Variants in PLXNA4 observed in about 807,000 individuals in gnomAD.
PLXNA4 encodes plexin-A4.
Under a neutral mutation model 191.8 loss-of-function variants are expected in PLXNA4, and 44 were observed. The observed-to-expected ratio is 0.23, with a 90% CI of 0.18 to 0.29. PLXNA4 has a LOEUF of 0.29. Among genes scored for constraint, PLXNA4 ranks in the 10% least tolerant of loss-of-function variants. PLXNA4 has a pLI of 1.00. For synonymous variants in PLXNA4, 1,082 were observed against 1,009.5 expected, an observed-to-expected ratio of 1.07 and a Z score of -1.36; for missense variants, 1,800 against 2,488.8, an observed-to-expected ratio of 0.72 and a Z score of 5.89.
At chr7:132,558,036 G>A (rs145124168) in intron 1 of PLXNA4, among the ~76,000 whole-genome samples, 33 of 152,268 alleles carry the variant, frequency 2.2e-4, no homozygotes, top group African/African-American at 7.9e-4. Context: ...GCAATTAAGT[G>A]GGAATATGAG....
chr7:132,259,124 G>C (rs1486876561), intron 4 of PLXNA4, among the ~76,000 whole-genome samples: 1 of 152,092 alleles, frequency 6.6e-6, no homozygotes, highest in East Asian at 1.9e-4. Context: ...CTAGCAGACA[G>C]TATTGAGCCA....
intron 1 of PLXNA4, among the ~76,000 whole-genome samples, chr7:132,552,118 G>C (rs1252065927): frequency 1.3e-5 from 2 of 152,156 alleles, no homozygotes; most frequent in African/African-American, 4.8e-5. Flanking sequence ...CTAAGTGCTT[G>C]CTCCGCCTCC....
chr7:132,409,133 G>A (rs879239828), intron 3 of PLXNA4, among the ~76,000 whole-genome samples: 7 of 152,246 alleles, frequency 4.6e-5, no homozygotes, highest in Admixed American at 2.0e-4. Context: ...TGATGTCCTT[G>A]GGATTGAACA....
At chr7:132,406,496 C>G in intron 3 of PLXNA4, among the ~76,000 whole-genome samples, 1 of 152,168 alleles carries the variant, frequency 6.6e-6, no homozygotes, top group Non-Finnish European at 1.5e-5. Context: ...CCAGGAGCCT[C>G]CTGACCACAT....
chr7:132,153,531 C>T (rs1315971049), intron 25 of PLXNA4, among the ~76,000 whole-genome samples: 4 of 152,114 alleles, frequency 2.6e-5, no homozygotes, highest in Admixed American at 2.6e-4. Flanking sequence ...ATGGCCAGGT[C>T]ATGCCTGTAG....
At chr7:132,543,118 A>G (rs1800152708) in intron 1 of PLXNA4, among the ~76,000 whole-genome samples, 1 of 152,234 alleles carries the variant, frequency 6.6e-6, no homozygotes, top group Admixed American at 6.5e-5. Flanking sequence ...AGGATAAGGT[A>G]TCTTCCTCCA....
chr7:132,328,799 T>C (rs895019597), intron 3 of PLXNA4, among the ~76,000 whole-genome samples: 1 of 152,166 alleles, frequency 6.6e-6, no homozygotes, highest in Admixed American at 6.5e-5. Context: ...TCACTCCCTC[T>C]GCACCGCAGG....
intron 3 of PLXNA4, among the ~76,000 whole-genome samples, chr7:132,428,072 C>T (rs1387649895): frequency 2.6e-5 from 4 of 152,304 alleles, no homozygotes; most frequent in African/African-American, 9.6e-5. Flanking sequence ...CCAAGGGACA[C>T]TGCAGGAAAG....
chr7:132,499,443 TG>T (rs1798159291), intron 2 of PLXNA4, among the ~76,000 whole-genome samples: 1 of 152,218 alleles, frequency 6.6e-6, no homozygotes, highest in Non-Finnish European at 1.5e-5. Context: ...CAAAACCTAC[TG>T]GGGTGCCACC....
intron 3 of PLXNA4, among the ~76,000 whole-genome samples, chr7:132,456,811 C>T (rs1796331899): frequency 6.6e-6 from 1 of 152,208 alleles, no homozygotes; most frequent in Admixed American, 6.5e-5. Context: ...CCCAGCCCAC[C>T]TGGGAGACCT....
chr7:132,352,360 G>C (rs545111504), intron 3 of PLXNA4: 1 of 152,246 alleles, frequency 6.6e-6, no homozygotes, highest in African/African-American at 2.4e-5. Context: ...GCCTGCCGAG[G>C]CTGGGCAGCA....
intron 14 of PLXNA4, among the ~76,000 whole-genome samples, chr7:132,193,360 G>A (rs1160901663): frequency 1.3e-5 from 2 of 152,142 alleles, no homozygotes; most frequent in Non-Finnish European, 1.5e-5. Flanking sequence ...GGACTTCCCA[G>A]CCTCCAGAAC....
At chr7:132,367,224 G>T (rs1804222083) in intron 3 of PLXNA4, among the ~76,000 whole-genome samples, 1 of 152,228 alleles carries the variant, frequency 6.6e-6, no homozygotes, top group Non-Finnish European at 1.5e-5. Context: ...AAGTGAAAAT[G>T]CTCAGCTGAG....
At chr7:132,396,776 G>A (rs188290593) in intron 3 of PLXNA4, among the ~76,000 whole-genome samples, 81 of 152,362 alleles carry the variant, frequency 5.3e-4, no homozygotes, top group African/African-American at 1.9e-3. Flanking sequence ...ACAGGTGTGA[G>A]CCACCGCGCC....
intron 3 of PLXNA4, among the ~76,000 whole-genome samples, chr7:132,322,260 G>A (rs1802201784): frequency 6.8e-6 from 1 of 148,054 alleles, no homozygotes; most frequent in Admixed American, 7.0e-5. Flanking sequence ...TCGGCTCACT[G>A]CAGTCTCTGC....
At chr7:132,219,617 TG>T (rs1584861162) in intron 9 of PLXNA4, among the ~76,000 whole-genome samples, 1 of 152,088 alleles carries the variant, frequency 6.6e-6, no homozygotes, top group African/African-American at 2.4e-5. Context: ...AGGACATAGG[TG>T]TCTGGGGGCT....
intron 1 of PLXNA4, among the ~76,000 whole-genome samples, chr7:132,558,690 C>T (rs1278463733): frequency 2.0e-5 from 3 of 152,214 alleles, no homozygotes; most frequent in South Asian, 2.1e-4. Flanking sequence ...GGGCCAATGA[C>T]AGCCAAGATT....
intron 4 of PLXNA4, among the ~76,000 whole-genome samples, chr7:132,242,789 C>T (rs1052922967): frequency 9.2e-5 from 14 of 152,186 alleles, no homozygotes; most frequent in Non-Finnish European, 1.8e-4. Flanking sequence ...AGTCTGCCTA[C>T]ATATGACCTT....
intron 3 of PLXNA4, among the ~76,000 whole-genome samples, chr7:132,425,213 C>A (rs1049147509): frequency 1.3e-5 from 2 of 152,168 alleles, no homozygotes; most frequent in South Asian, 4.1e-4. Flanking sequence ...TTTTTCTCCT[C>A]CTTCCAGAGT....
Sources: allele counts gnomAD v4.1 joint callset (sites outside exome capture counted in the v4.1 genomes callset), GRCh38; gene constraint gnomAD v4.1.1; transcripts MANE v1.5; gene names NCBI Gene and HGNC (gene_info 2026-07-23, HGNC 2026-07-21).